The following CUBN variants were observed in gnomAD, a reference collection of about 807,000 sequenced individuals.
CUBN encodes cubilin.
Under a neutral mutation model 405.3 loss-of-function variants are expected in CUBN, and 282 were observed. That is an observed-to-expected ratio of 0.70 (90% confidence interval 0.63 to 0.77). The LOEUF is 0.77. Ranked by LOEUF, CUBN falls within the 30% of genes least tolerant of loss-of-function variation. The pLI, the probability that CUBN is intolerant of heterozygous loss-of-function variation, is 0.00. For synonymous variants in CUBN, 1,684 were observed against 1,617.0 expected (o/e 1.04, Z -0.99); for missense variants, 4,514 against 4,475.2 (o/e 1.01, Z -0.25).
At position 17,012,849 on chromosome 10, in the gene CUBN, C is replaced by T. The variant is rs186516654; in HGVS notation, c.4168+6984G>A. 5.3e-3 allele frequency among the ~76,000 whole-genome samples: 806 copies of T among 152,252 alleles called. 6 individuals carry two copies. The highest frequency in any genetic ancestry group is 0.014 in the Middle Eastern group (4 of 294). ...TCCTGAATACCCATTGTGTCTTTTT[C>T]CTTAATCACCTGGGAGGAACCATCT... On this transcript the variant is annotated intron_variant, in intron 28 of 66. Coordinates refer to ENST00000377833, the MANE Select transcript of CUBN (RefSeq NM_001081.4).
chr10:16,847,105 G>A (rs1839538136), intron 60 of CUBN, among the ~76,000 whole-genome samples: 1 of 152,068 alleles, frequency 6.6e-6, no homozygotes, highest in African/African-American at 2.4e-5. Flanking sequence ...TTCTATTTAT[G>A]ATTTTTGTCA....
rs1400804891 is a variant in CUBN, at chr10:17,068,617, C to T, written c.2779G>A (p.Ala927Thr). 8 of 1,612,396 alleles carry T rather than the reference C, an allele frequency of 5.0e-6. No individual in the cohort carries two copies. Among genetic ancestry groups the T allele is most frequent in the South Asian group, 2.2e-5 (2 of 90,962 alleles). Residue 927 changes from alanine to threonine, a missense_variant, in exon 20 of 67, where the codon GCT (alanine) becomes ACT (threonine). By Grantham distance (58) the Ala-to-Thr change is moderately conservative. This residue lies in a region of CUBN where 1,448 missense variants were observed against 1,388.0 expected (regional missense o/e 1.04). Transcript: ENST00000377833. ...ENHGFMAKFS[A>T]EDLACGEILT... is the part of the protein sequence containing the mutation. ...AACAGTCTCTTACCCAAATCCTCAG[C>T]ACTGAACTTAGCCATGAAACCATGG...
intron 48 of CUBN, among the ~76,000 whole-genome samples, chr10:16,912,197 T>C (rs1219161804): frequency 6.6e-6 from 1 of 152,224 alleles, no homozygotes; most frequent in Admixed American, 6.5e-5. Context: ...ATAAGATCAT[T>C]TTACGGCAAT....
intron 27 of CUBN, among the ~76,000 whole-genome samples, chr10:17,038,469 A>C (rs1834945847): frequency 6.6e-6 from 1 of 152,192 alleles, no homozygotes; most frequent in Non-Finnish European, 1.5e-5. Context: ...TAAAGGATGC[A>C]TTTGGTTTCC....
chr10:16,989,249 A>G (rs1833511762), intron 29 of CUBN, among the ~76,000 whole-genome samples: 1 of 151,826 alleles, frequency 6.6e-6, no homozygotes, highest in Non-Finnish European at 1.5e-5. Context: ...CAAAGTTCAA[A>G]GTATACATAA....
At position 16,900,609 on chromosome 10, in the gene CUBN, C is replaced by A. The variant is rs1841330931; in HGVS notation, c.8410+16G>T. 5 of 1,574,764 alleles carry A rather than the reference C, an allele frequency of 3.2e-6. No homozygotes were observed. In the Admixed American group the frequency reaches 8.3e-5, roughly 26 times the overall value. ...TCACTAAAAAGAAAATCAAATGGAG[C>A]AAACATTTCTTTTACCTAAAGTTTG... On this transcript the variant is annotated intron_variant, in intron 53 of 66. Coordinates refer to ENST00000377833, the MANE Select transcript of CUBN (RefSeq NM_001081.4).
At chr10:16,952,861 C>A (rs757398318) in intron 32 of CUBN, among the ~76,000 whole-genome samples, 2 of 152,072 alleles carry the variant, frequency 1.3e-5, no homozygotes, top group Non-Finnish European at 2.9e-5. Flanking sequence ...CGCTGGAGGG[C>A]GTAAGAGGAG....
chr10:16,971,678 C>A (rs7904136), intron 31 of CUBN, among the ~76,000 whole-genome samples: 3,916 of 152,198 alleles, frequency 0.026, 179 homozygotes, highest in African/African-American at 0.09. Flanking sequence ...GTACAACATT[C>A]ATAGAACCAA....
chr10:16,878,332 A>C (rs1352297526), intron 56 of CUBN, among the ~76,000 whole-genome samples: 1 of 152,194 alleles, frequency 6.6e-6, no homozygotes, highest in Non-Finnish European at 1.5e-5. Flanking sequence ...AAGGAAAAAA[A>C]CCAGCCTAAC....
At chr10:16,977,964 G>A (rs1293673775) in intron 31 of CUBN, among the ~76,000 whole-genome samples, 1 of 152,184 alleles carries the variant, frequency 6.6e-6, no homozygotes, top group Non-Finnish European at 1.5e-5. Context: ...ATGATGTCTA[G>A]AATGTTAATA....
intron 31 of CUBN, among the ~76,000 whole-genome samples, chr10:16,981,178 G>GACACAC (rs1401865880): frequency 0.029 from 4,146 of 145,304 alleles, 188 homozygotes; most frequent in African/African-American, 0.097. Flanking sequence ...AGACTCAGCA[G>GACACAC]ACACACACAC....
intron 34 of CUBN, among the ~76,000 whole-genome samples, chr10:16,949,261 G>C (rs1842860585): frequency 6.6e-6 from 1 of 152,092 alleles, no homozygotes; most frequent in African/African-American, 2.4e-5. Context: ...CATAGGGTGT[G>C]GAGAGTTCAT....
At chr10:17,036,860 C>G (rs1321829865) in intron 27 of CUBN, among the ~76,000 whole-genome samples, 1 of 152,190 alleles carries the variant, frequency 6.6e-6, no homozygotes, top group Non-Finnish European at 1.5e-5. Flanking sequence ...GAACACTTCC[C>G]CATGATCCCT....
chr10:17,020,975 C>G (rs1463757488), intron 27 of CUBN, among the ~76,000 whole-genome samples: 1 of 152,204 alleles, frequency 6.6e-6, no homozygotes, highest in African/African-American at 2.4e-5. Context: ...TATCCTCCCA[C>G]AAGCAGTTAA....
chr10:17,002,006 C>T (rs1162165810), intron 28 of CUBN, among the ~76,000 whole-genome samples: 1 of 152,224 alleles, frequency 6.6e-6, no homozygotes, highest in Non-Finnish European at 1.5e-5. Context: ...GACAATGCTG[C>T]TGCCACCTGG....
intron 27 of CUBN, among the ~76,000 whole-genome samples, chr10:17,026,544 A>G (rs1017323342): frequency 6.6e-6 from 1 of 152,060 alleles, no homozygotes; most frequent in Admixed American, 6.6e-5. Flanking sequence ...GAGGCAGGAG[A>G]ATCACTTGAA....
intron 35 of CUBN, among the ~76,000 whole-genome samples, chr10:16,948,145 G>A (rs111461446): frequency 5.3e-5 from 8 of 152,272 alleles, no homozygotes; most frequent in African/African-American, 1.9e-4. Context: ...GGAGGCAGAG[G>A]TTGCAGTGAG....
At chr10:17,051,301 C>T (rs1020632871) in intron 22 of CUBN, among the ~76,000 whole-genome samples, 9 of 152,040 alleles carry the variant, frequency 5.9e-5, no homozygotes, top group Admixed American at 2.0e-4. Flanking sequence ...GTGGAGCTTG[C>T]GGTGAGCCGA....
At chr10:16,894,447 C>T (rs541279821) in intron 54 of CUBN, among the ~76,000 whole-genome samples, 1 of 152,066 alleles carries the variant, frequency 6.6e-6, no homozygotes, top group East Asian at 1.9e-4. Flanking sequence ...GCTCTAGTAC[C>T]ATTTGTTGAA....
Sources: allele counts gnomAD v4.1 joint callset (sites outside exome capture counted in the v4.1 genomes callset), GRCh38; gene constraint gnomAD v4.1.1; regional missense constraint gnomAD v4.1.1; transcripts MANE v1.5; gene names NCBI Gene and HGNC (gene_info 2026-07-23, HGNC 2026-07-21).